The following CSNK1G2 variants were observed in gnomAD, a reference collection of about 807,000 sequenced individuals.
The protein encoded by CSNK1G2 is casein kinase 1 gamma 2.
A neutral mutation model predicts 48.0 loss-of-function variants in CSNK1G2; 11 were observed. That is an observed-to-expected ratio of 0.23 (90% CI 0.14 to 0.38). The LOEUF is 0.38. Among genes scored for constraint, CSNK1G2 ranks in the 10% least tolerant of loss-of-function variants. The pLI, the probability that CSNK1G2 is intolerant of heterozygous loss-of-function variation, is 1.00. For missense variants in CSNK1G2, 446 were observed against 595.5 expected, an observed-to-expected ratio of 0.75 and a Z score of 2.61; for synonymous variants, 337 against 254.1, an observed-to-expected ratio of 1.33 and a Z score of -3.10.
intron 1 of CSNK1G2, among the ~76,000 whole-genome samples, chr19:1,944,235 G>A (rs2014471144): frequency 1.3e-5 from 2 of 152,128 alleles, no homozygotes; most frequent in South Asian, 2.1e-4. Flanking sequence ...CAAATGCTCC[G>A]CCGGCAGCCA....
At position 1,981,328 on chromosome 19, in the gene CSNK1G2, A is replaced by G. The variant is rs1227684842; in HGVS notation, c.*1125A>G. 1.3e-5 allele frequency: 2 copies of G among 152,190 alleles called. No homozygotes were observed. Among genetic ancestry groups the G allele is most frequent in the Non-Finnish European group, 2.9e-5 (2 of 68,038 alleles). The allele number at this position is 152,190 out of a possible 1,614,324, so 9.4% of individuals were successfully genotyped here. On this transcript the variant is annotated 3_prime_UTR_variant, in exon 12 of 12. Coordinates refer to ENST00000255641, the MANE Select transcript of CSNK1G2 (RefSeq NM_001319.7). Reference sequence around the variant, plus strand: ...GCTTTTTTAAAAAAATAAAAGAAAAATGAAACCAAACCCAAGTGTAGAGGG... The same window carrying G: ...GCTTTTTTAAAAAAATAAAAGAAAAGTGAAACCAAACCCAAGTGTAGAGGG...
intron 2 of CSNK1G2, among the ~76,000 whole-genome samples, chr19:1,977,750 C>T (rs1207793221): frequency 3.6e-5 from 3 of 83,052 alleles, no homozygotes; most frequent in African/African-American, 1.3e-4. Context: ...GACACCGTCT[C>T]AAAAAAAAAA....
At chr19:1,979,666 G>A (rs2015905235) in intron 9 of CSNK1G2, 23 bp downstream of exon 9, 1 of 1,601,588 alleles carries the variant, frequency 6.2e-7, no homozygotes, top group Admixed American at 1.7e-5. Flanking sequence ...GTGCCGGTAT[G>A]TGGGAGCGGG....
At chr19:1,947,594 C>T (rs1484129722) in intron 1 of CSNK1G2, among the ~76,000 whole-genome samples, 3 of 152,194 alleles carry the variant, frequency 2.0e-5, no homozygotes, top group Admixed American at 6.5e-5. Flanking sequence ...CCGTGTCTGC[C>T]TCTGACTTGC....
chr19:1,964,613 G>C (rs1437015213), intron 1 of CSNK1G2, among the ~76,000 whole-genome samples: 1 of 152,012 alleles, frequency 6.6e-6, no homozygotes, highest in Non-Finnish European at 1.5e-5. Context: ...AATCTACTCT[G>C]TGCTCTATAA....
chr19:1,972,989 G>A (rs1315161917), intron 2 of CSNK1G2, among the ~76,000 whole-genome samples: 6 of 147,836 alleles, frequency 4.1e-5, no homozygotes, highest in Non-Finnish European at 8.9e-5. Context: ...GTGCAGTGGC[G>A]TAACCTCAGC....
intron 1 of CSNK1G2, among the ~76,000 whole-genome samples, chr19:1,969,240 C>CCCACCCAT (rs201197455): frequency 4.5e-5 from 6 of 131,906 alleles, no homozygotes; most frequent in Non-Finnish European, 9.4e-5. Flanking sequence ...CACCCACCCA[C>CCCACCCAT]CCACCCATCC....
At chr19:1,961,701 G>T (rs1448738179) in intron 1 of CSNK1G2, among the ~76,000 whole-genome samples, 2 of 152,254 alleles carry the variant, frequency 1.3e-5, no homozygotes, top group African/African-American at 2.4e-5. Flanking sequence ...CTCTCCCAGG[G>T]CACATGAGGA....
At chr19:1,979,136 G>T in intron 6 of CSNK1G2, 27 bp from the exon 7 acceptor site, 1 of 1,547,218 alleles carries the variant, frequency 6.5e-7, no homozygotes, top group Non-Finnish European at 8.7e-7. Flanking sequence ...CCCGGACCCC[G>T]CTGAGGCTGC....
rs961141134 is a variant in CSNK1G2, at chr19:1,942,603, T to G, written c.-266+1185T>G. 5 of 151,832 alleles carry G rather than the reference T, an allele frequency of 3.3e-5. No individual in the cohort carries two copies. In the East Asian group the frequency reaches 9.7e-4, roughly 29 times the overall value. The allele number at this position is 151,832 out of a possible 1,614,324, so 9.4% of individuals were successfully genotyped here. On this transcript the variant is annotated intron_variant, in intron 1 of 11. Transcript: ENST00000255641. The stretch of plus-strand genomic sequence containing the variant: ...CCTGGTAGCTCGTGGGTGTGGGAGC[T>G]GAGCAGGAAGGTACAAAGGCTCCTG...
intron 1 of CSNK1G2, among the ~76,000 whole-genome samples, chr19:1,966,072 T>C (rs2015356286): frequency 6.6e-6 from 1 of 152,246 alleles, no homozygotes; most frequent in Admixed American, 6.5e-5. Context: ...GTGTCGGGGT[T>C]ACAGGCAGGA....
intron 2 of CSNK1G2, chr19:1,975,415 C>T: frequency 2.0e-6 from 2 of 985,492 alleles, no homozygotes; most frequent in Non-Finnish European, 2.4e-6. Context: ...AAGAGCTACA[C>T]AGCCGTGTTC....
intron 1 of CSNK1G2, among the ~76,000 whole-genome samples, chr19:1,955,460 GC>G (rs1327137189): frequency 1.4e-5 from 2 of 146,094 alleles, no homozygotes; most frequent in Non-Finnish European, 2.9e-5. Flanking sequence ...GTGGGTCAGC[GC>G]CCCCCACTGA....
intron 1 of CSNK1G2, among the ~76,000 whole-genome samples, chr19:1,948,762 G>T (rs184269659): frequency 6.6e-6 from 1 of 152,166 alleles, no homozygotes; most frequent in Non-Finnish European, 1.5e-5. Context: ...AAATACCCTC[G>T]TATAGCTTTC....
chr19:1,978,955 C>G lies in CSNK1G2; in HGVS notation c.544C>G (p.His182Asp), dbSNP rs1320590617. 1 of 1,601,130 alleles carries G rather than the reference C, an allele frequency of 6.2e-7. No individual in the cohort carries two copies. The highest frequency in any genetic ancestry group is 8.5e-7 in the Non-Finnish European group (1 of 1,179,724). Residue 182 changes from histidine (H) to aspartate (D), a missense_variant, in exon 6 of 12, where the codon CAT (histidine) becomes GAT (aspartate). By Grantham distance (81) the His-to-Asp change is moderately conservative. Around this residue, in one of 2 missense-constraint regions of CSNK1G2, gnomAD observed 258 missense variants for 415.9 expected, o/e 0.62. Coordinates refer to ENST00000255641, the MANE Select transcript of CSNK1G2 (RefSeq NM_001319.7). This position sits in a 1 kb window ranked among gnomAD's most constrained non-coding sequence, Gnocchi z 7.3. ...LVGRPGTKRQ[H>D]AIHIIDFGLA... The stretch of plus-strand genomic sequence containing the variant: ...GGGCCGCCCGGGGACCAAGCGGCAG[C>G]ATGCCATCCACATCATCGACTTCGG...
chr19:1,965,759 A>G (rs1394634540), intron 1 of CSNK1G2, among the ~76,000 whole-genome samples: 2 of 152,078 alleles, frequency 1.3e-5, no homozygotes, highest in Non-Finnish European at 2.9e-5. Flanking sequence ...TCAGCCTCCC[A>G]AAGTGCTGGG....
intron 1 of CSNK1G2, among the ~76,000 whole-genome samples, chr19:1,948,541 G>T (rs2396364): frequency 2.6e-5 from 2 of 76,040 alleles, no homozygotes. Flanking sequence ...AAAAAAAAAC[G>T]CAAAAAAAAA....
intron 1 of CSNK1G2, among the ~76,000 whole-genome samples, chr19:1,962,857 G>T (rs1266048913): frequency 6.6e-6 from 1 of 152,142 alleles, no homozygotes; most frequent in East Asian, 1.9e-4. Flanking sequence ...GTGGAAGCCC[G>T]CAGCCACGCA....
chr19:1,953,240 G>A, intron 1 of CSNK1G2: 1 of 377,246 alleles, frequency 2.7e-6, no homozygotes, highest in Non-Finnish European at 5.3e-6. Context: ...CACCACTTGG[G>A]ACCGGGGACC....
Sources: gnomAD v4.1 joint callset for allele counts (sites outside exome capture counted in the v4.1 genomes callset) on GRCh38, gnomAD v4.1.1 for gene constraint, gnomAD v4.1.1 regional missense constraint, Gnocchi (gnomAD v3.1) non-coding constraint, MANE v1.5 for transcripts, NCBI Gene and HGNC (gene_info 2026-07-23, HGNC 2026-07-21) for gene names.